The following NUAK1 variants were observed in gnomAD, a reference collection of about 807,000 sequenced individuals.
NUAK1 encodes the protein NUAK family SNF1-like kinase 1.
In NUAK1, 26 loss-of-function variants were observed where a neutral mutation model predicts 56.9. That is an observed-to-expected ratio of 0.46 (90% CI 0.33 to 0.63). NUAK1 has a LOEUF of 0.63. Ranked by LOEUF, NUAK1 falls within the 30% of genes least tolerant of loss-of-function variation. NUAK1 has a pLI of 0.02. For missense variants in NUAK1, 727 were observed against 876.1 expected, an observed-to-expected ratio of 0.83 and a Z score of 2.15; for synonymous variants, 337 against 336.0, an observed-to-expected ratio of 1.00 and a Z score of -0.03.
intron 2 of NUAK1, among the ~76,000 whole-genome samples, chr12:106,101,862 T>A (rs1331859423): frequency 2.0e-5 from 3 of 152,104 alleles, no homozygotes; most frequent in Admixed American, 6.5e-5. Flanking sequence ...GATGTCTAAC[T>A]TCACGTTCAG....
intron 1 of NUAK1, among the ~76,000 whole-genome samples, chr12:106,133,445 A>G (rs1592865540): frequency 6.6e-6 from 1 of 152,190 alleles, no homozygotes; most frequent in East Asian, 1.9e-4. Context: ...CAGCTGTGCA[A>G]CATTAAGGAA....
chr12:106,068,632 T>C (rs770760789), intron 6 of NUAK1, among the ~76,000 whole-genome samples: 3 of 152,254 alleles, frequency 2.0e-5, no homozygotes, highest in Non-Finnish European at 4.4e-5. Flanking sequence ...GATCTATATC[T>C]GCTTCCCATT....
Position 106,063,423 on chromosome 12 carries a change from C to A in NUAK1, c.*3379G>T, listed in dbSNP as rs569974173. 66 of 152,594 alleles carry A rather than the reference C, an allele frequency of 4.3e-4. No homozygotes were observed. The highest frequency in any genetic ancestry group is 8.1e-4 in the Non-Finnish European group (55 of 67,998). The allele number at this position is 152,594 out of a possible 1,614,324, so 9.5% of individuals were successfully genotyped here. On this transcript the variant is annotated 3_prime_UTR_variant, in exon 7 of 7. Coordinates refer to ENST00000261402, the MANE Select transcript of NUAK1 (RefSeq NM_014840.3). ...AAATGAAACAAAAATCAGTTTCCAA[C>A]GAAAATACAAACACTTTGGGTGGTT...
chr12:106,132,547 T>C (rs2033089266), intron 1 of NUAK1, among the ~76,000 whole-genome samples: 1 of 152,210 alleles, frequency 6.6e-6, no homozygotes, highest in Admixed American at 6.5e-5. Flanking sequence ...GGCATTTTTG[T>C]CTGCAGGCAG....
At chr12:106,092,639 T>C (rs527618156) in intron 2 of NUAK1, among the ~76,000 whole-genome samples, 1 of 152,338 alleles carries the variant, frequency 6.6e-6, no homozygotes. Context: ...ATGTATCGTG[T>C]GGTTTATTTA....
rs918282873 is a variant in NUAK1 at position 106,068,018 on chromosome 12, G to A, written c.833-63C>T. Reference sequence around the variant, plus strand: ...GGGAGCTTCTGGCTTTGTGATAGTGGGACCCTCCAGGAGTGACGAAAGACA... The same window carrying A: ...GGGAGCTTCTGGCTTTGTGATAGTGAGACCCTCCAGGAGTGACGAAAGACA... On this transcript the variant is annotated intron_variant, in intron 6 of 6. Coordinates refer to ENST00000261402, the MANE Select transcript of NUAK1 (RefSeq NM_014840.3). 9.4e-6 allele frequency: 14 copies of A among 1,492,438 alleles called. No homozygotes were observed. The Middle Eastern group carries it at 7.1e-4, about 75-fold the overall frequency. 92.4% of individuals were successfully genotyped at this position (1,492,438 alleles called of 1,614,324 possible).
At chr12:106,115,294 G>T (rs1398350739) in intron 1 of NUAK1, among the ~76,000 whole-genome samples, 1 of 152,130 alleles carries the variant, frequency 6.6e-6, no homozygotes, top group Non-Finnish European at 1.5e-5. Flanking sequence ...CTAAAAAGAG[G>T]CATGACTTTC....
intron 2 of NUAK1, among the ~76,000 whole-genome samples, chr12:106,098,911 T>A (rs2032721752): frequency 6.6e-6 from 1 of 152,058 alleles, no homozygotes; most frequent in African/African-American, 2.4e-5. Flanking sequence ...GGGCACTTCC[T>A]TTTCAGCTTT....
chr12:106,115,288 A>G (rs1323292228), intron 1 of NUAK1, among the ~76,000 whole-genome samples: 1 of 152,240 alleles, frequency 6.6e-6, no homozygotes, highest in Non-Finnish European at 1.5e-5. Context: ...AACAAGCTAA[A>G]AAGAGGCATG....
At chr12:106,074,308 CCAAA>C (rs2032439410) in intron 4 of NUAK1, among the ~76,000 whole-genome samples, 2 of 152,130 alleles carry the variant, frequency 1.3e-5, no homozygotes, top group African/African-American at 4.8e-5. Context: ...AGGTACTGCT[CCAAA>C]CACTTTATTT....
intron 1 of NUAK1, among the ~76,000 whole-genome samples, chr12:106,133,945 T>C (rs1449513246): frequency 6.6e-6 from 1 of 152,202 alleles, no homozygotes; most frequent in African/African-American, 2.4e-5. Flanking sequence ...TGGCAATAAA[T>C]CTTCATCGAA....
At chr12:106,128,578 G>A (rs555430258) in intron 1 of NUAK1, among the ~76,000 whole-genome samples, 20 of 152,334 alleles carry the variant, frequency 1.3e-4, no homozygotes, top group Admixed American at 1.1e-3. Flanking sequence ...GCAAGGCTTC[G>A]TTTGAACCTG....
chr12:106,134,937 A>G (rs1464729786), intron 1 of NUAK1, among the ~76,000 whole-genome samples: 1 of 152,162 alleles, frequency 6.6e-6, no homozygotes, highest in Non-Finnish European at 1.5e-5. Context: ...TATTTCTTCT[A>G]TCTCTCTCTG....
chr12:106,080,811 C>CT (rs1469448941), intron 4 of NUAK1, among the ~76,000 whole-genome samples: 1 of 152,244 alleles, frequency 6.6e-6, no homozygotes, highest in Non-Finnish European at 1.5e-5. Context: ...AAGAGAGGAT[C>CT]TTGCTGCTCA....
In NUAK1 at chr12:106,067,759, A is replaced by G. The variant is rs758010066; in HGVS notation, c.1029T>C (p.Ala343=). The change falls in exon 7 of 7, where the codon GCT becomes GCC. Residue 343 remains alanine, a synonymous_variant. Transcript: ENST00000261402. The surrounding 1 kb of genome is among the most constrained non-coding windows in gnomAD (Gnocchi z 6.0). ...DWHHRSTGLQ[A]DTEAKMKGLA... is the part of the protein sequence containing the mutation. ...GGCCCTTCATTTTGGCTTCGGTGTC[A>G]GCCTGCAGCCCTGTGGAACGGTGGT... The G allele has an allele frequency of 1.2e-5, 19 of 1,614,084 alleles. No individual in the cohort carries two copies. The highest frequency in any genetic ancestry group is 1.6e-5 in the Non-Finnish European group (19 of 1,180,044).
At position 106,138,891 on chromosome 12, in the gene NUAK1, G is replaced by A. The variant is rs2033157836; in HGVS notation, c.-238C>T. ...CCCCGGCCGCGGCGAGCTGTGGAGC[G>A]TCGGGCGAGGTGGCGGCGGTGGCAG... On this transcript the variant is annotated 5_prime_UTR_variant, in exon 1 of 7. It adds an upstream start codon to the 5' untranslated region. Transcript: ENST00000261402. The surrounding 1 kb of genome is among the most constrained non-coding windows in gnomAD (Gnocchi z 5.0). 2 of 426,396 alleles carry A rather than the reference G, an allele frequency of 4.7e-6. No individual in the cohort carries two copies. Among genetic ancestry groups the A allele is most frequent in the Non-Finnish European group, 3.9e-6 (1 of 257,174 alleles). 26.4% of individuals were successfully genotyped at this position (426,396 alleles called of 1,614,324 possible). A position where few individuals can be genotyped will look rare whatever the true frequency, so the allele number is the denominator to read the frequency against.
intron 4 of NUAK1, among the ~76,000 whole-genome samples, chr12:106,078,967 G>GAC (rs1485805258): frequency 1.3e-5 from 2 of 152,192 alleles, no homozygotes; most frequent in Non-Finnish European, 2.9e-5. Context: ...CCAAAGCATG[G>GAC]ACCAAACAGT....
intron 4 of NUAK1, among the ~76,000 whole-genome samples, chr12:106,083,249 G>A (rs568430794): frequency 1.3e-5 from 2 of 152,312 alleles, no homozygotes; most frequent in Admixed American, 6.5e-5. Context: ...AGGAGACAGG[G>A]TGGAGAGTGA....
intron 2 of NUAK1, among the ~76,000 whole-genome samples, chr12:106,091,184 C>T (rs1197443677): frequency 1.3e-5 from 2 of 152,134 alleles, no homozygotes; most frequent in Non-Finnish European, 2.9e-5. Context: ...GCTTATTTTC[C>T]ACCAGTTGGG....
Sources: allele counts gnomAD v4.1 joint callset (sites outside exome capture counted in the v4.1 genomes callset), GRCh38; gene constraint gnomAD v4.1.1; non-coding constraint Gnocchi (gnomAD v3.1); transcripts MANE v1.5; gene names NCBI Gene and HGNC (gene_info 2026-07-23, HGNC 2026-07-21).